Variants in NBPF11 observed in about 807,000 individuals in gnomAD.
NBPF11 encodes NBPF member 11, also known as NBPF family member NBPF11.
A neutral mutation model predicts 93.9 loss-of-function variants in NBPF11; 72 were observed. The observed-to-expected ratio is 0.77, with a 90% CI of 0.63 to 0.93. The LOEUF is 0.93. NBPF11 is among the 40% of genes least tolerant of loss of function. The pLI is 0.00. For synonymous variants in NBPF11, 224 were observed against 304.9 expected, an observed-to-expected ratio of 0.73 and a Z score of 2.76; for missense variants, 705 against 802.2, an observed-to-expected ratio of 0.88 and a Z score of 1.46.
At chr1:148,141,834 T>C (rs1672214880) in intron 2 of NBPF11, among the ~76,000 whole-genome samples, 3 of 151,808 alleles carry the variant, frequency 2.0e-5, no homozygotes, top group South Asian at 2.1e-4. Context: ...GGCTACAGGA[T>C]GAGCTCCCTG....
rs1384586361 is a variant in NBPF11 at position 148,147,181 on chromosome 1, G to A, written c.-548-3495C>T. 5.9e-4 allele frequency among the ~76,000 whole-genome samples: 90 copies of A among 152,304 alleles called. No individual in the cohort carries two copies. In the South Asian group the frequency reaches 0.016, roughly 28 times the overall value. ...CCCTGGGAACCCCTGGCCTGAGGATGGGAAGGGGCTGAGCTTGTCACAGGG... is the reference window on the plus strand; with the variant it reads ...CCCTGGGAACCCCTGGCCTGAGGATAGGAAGGGGCTGAGCTTGTCACAGGG... On this transcript the variant is annotated intron_variant, in intron 1 of 23. Transcript: ENST00000682118.
chr1:148,123,041 A>T (rs1247101233), intron 7 of NBPF11, among the ~76,000 whole-genome samples: 3 of 152,024 alleles, frequency 2.0e-5, no homozygotes, highest in Admixed American at 2.0e-4. Flanking sequence ...TTTGCTTCCC[A>T]TATCACTGGA....
chr1:148,119,602 G>A (rs1667358177), intron 10 of NBPF11, among the ~76,000 whole-genome samples: 1 of 151,774 alleles, frequency 6.6e-6, no homozygotes, highest in South Asian at 2.1e-4. Flanking sequence ...TGTGCCCCAG[G>A]AAGCAGGACT....
intron 20 of NBPF11, 78 bp downstream of exon 20, chr1:148,106,864 G>A: frequency 1.3e-6 from 1 of 799,342 alleles, no homozygotes; most frequent in Non-Finnish European, 2.2e-6. Context: ...GGGTCAGTAA[G>A]GGCCACTTGG....
chr1:148,126,161 C>T (rs1288290656), intron 5 of NBPF11, among the ~76,000 whole-genome samples: 3 of 151,800 alleles, frequency 2.0e-5, no homozygotes, highest in Non-Finnish European at 2.9e-5. Context: ...CCACGACGCC[C>T]ATCTACTTTT....
chr1:148,150,755 T>C (rs1385914921), intron 1 of NBPF11, among the ~76,000 whole-genome samples: 2 of 146,290 alleles, frequency 1.4e-5, no homozygotes, highest in African/African-American at 5.2e-5. Flanking sequence ...AGAGGGAGTC[T>C]CGCTCTGTCA....
intron 1 of NBPF11, chr1:148,146,414 G>A: frequency 6.2e-7 from 1 of 1,602,636 alleles, no homozygotes; most frequent in Non-Finnish European, 8.5e-7. Context: ...CTGTCGCTGA[G>A]TGAGCTCTGC....
chr1:148,133,588 G>A (rs1479058781), intron 4 of NBPF11, among the ~76,000 whole-genome samples: 3 of 152,032 alleles, frequency 2.0e-5, no homozygotes, highest in Admixed American at 6.5e-5. Flanking sequence ...GTATGACCAC[G>A]TAATCATACG....
At chr1:148,121,272 G>T (rs2149231813) in intron 9 of NBPF11, among the ~76,000 whole-genome samples, 1 of 151,676 alleles carries the variant, frequency 6.6e-6, no homozygotes, top group East Asian at 1.9e-4. Context: ...TCGAACTCCT[G>T]AGCTCAGGTG....
chr1:148,138,235 T>A (rs1185032355), intron 2 of NBPF11, among the ~76,000 whole-genome samples: 1 of 150,784 alleles, frequency 6.6e-6, no homozygotes, highest in Non-Finnish European at 1.5e-5. Context: ...GGCGGTTTTC[T>A]CCTATCTCAG....
chr1:148,124,908 T>A lies in NBPF11; in HGVS notation c.269A>T (p.Glu90Val), dbSNP rs1668738334. The A allele has an allele frequency of 1.2e-6, 2 of 1,609,788 alleles. No individual in the cohort carries two copies. Among genetic ancestry groups the A allele is most frequent in the Non-Finnish European group, 1.7e-6 (2 of 1,179,932 alleles). Residue 90 changes from glutamate to valine, a missense_variant, in exon 6 of 24, where the codon GAG becomes GTG. Transcript: ENST00000682118. ...EKLAEQLKQA[E>V]ELRQYKVLVH... ...TACGGGGTCCCCTCACCTGAGCTCC[T>A]CAGCTTGCTTGAGCTGCTCTGCAAG...
At chr1:148,114,338 T>A in intron 15 of NBPF11, 99 bp downstream of exon 15, 1 of 618,116 alleles carries the variant, frequency 1.6e-6, no homozygotes, top group East Asian at 2.7e-5. Context: ...GCTGGGTGAA[T>A]GGAAGAAATA....
chr1:148,107,389 C>G (rs1663958765), intron 19 of NBPF11, among the ~76,000 whole-genome samples: 1 of 151,210 alleles, frequency 6.6e-6, no homozygotes, highest in South Asian at 2.1e-4. Flanking sequence ...AAAGGACACT[C>G]TGAGTTAGTG....
intron 15 of NBPF11, among the ~76,000 whole-genome samples, chr1:148,111,834 T>C (rs1665354688): frequency 6.6e-6 from 1 of 151,210 alleles, no homozygotes; most frequent in Non-Finnish European, 1.5e-5. Context: ...TTCTTCAGGA[T>C]ATTATCCAGG....
chr1:148,147,024 C>T, intron 1 of NBPF11: 1 of 1,202,666 alleles, frequency 8.3e-7, no homozygotes, highest in Non-Finnish European at 1.2e-6. Flanking sequence ...GGCGGCCCTG[C>T]AGGAGGGGAG....
In NBPF11 at chr1:148,103,890, C is replaced by T. The variant is rs1662875608; in HGVS notation, c.*6G>A. Reference sequence around the variant, plus strand: ...TCCTGTAAGACTTCAGGCACTTCCACTTCCATCAGCACGCTGCTGAGCCTG... The same window carrying T: ...TCCTGTAAGACTTCAGGCACTTCCATTTCCATCAGCACGCTGCTGAGCCTG... On this transcript the variant is annotated 3_prime_UTR_variant, in exon 24 of 24. Coordinates refer to ENST00000682118, the MANE Select transcript of NBPF11 (RefSeq NM_001385469.3). The T allele has an allele frequency of 1.9e-6, 3 of 1,610,946 alleles. No homozygotes were observed. The highest frequency in any genetic ancestry group is 2.5e-6 in the Non-Finnish European group (3 of 1,179,204).
At chr1:148,134,155 A>T (rs1279996350) in intron 4 of NBPF11, among the ~76,000 whole-genome samples, 1 of 151,440 alleles carries the variant, frequency 6.6e-6, no homozygotes, top group Non-Finnish European at 1.5e-5. Context: ...TCACCCATGC[A>T]TTTCTTAATG....
chr1:148,151,495 T>C (rs1648314441), intron 1 of NBPF11, among the ~76,000 whole-genome samples: 2 of 151,948 alleles, frequency 1.3e-5, no homozygotes, highest in Non-Finnish European at 1.5e-5. Flanking sequence ...CCCCCTGGGA[T>C]GCCACAGAAC....
intron 10 of NBPF11, 96 bp downstream of exon 10, chr1:148,120,405 G>A (rs1667551836): frequency 1.8e-5 from 14 of 765,242 alleles, no homozygotes; most frequent in African/African-American, 3.4e-5. Flanking sequence ...GTATGGGGAG[G>A]ATGACATTAT....
Sources: gnomAD v4.1 joint callset for allele counts (sites outside exome capture counted in the v4.1 genomes callset) on GRCh38, gnomAD v4.1.1 for gene constraint, MANE v1.5 for transcripts, NCBI Gene and HGNC (gene_info 2026-07-23, HGNC 2026-07-21) for gene names.